The following CKLF variants were observed in gnomAD, a reference collection of about 807,000 sequenced individuals.
The protein encoded by CKLF is chemokine-like factor.
Under a neutral mutation model 12.9 loss-of-function variants are expected in CKLF, and 16 were observed. The observed-to-expected ratio is 1.24, with a 90% CI of 0.84 to 1.88. The LOEUF is 1.88. Ranked by LOEUF, CKLF falls within the 40% of genes most tolerant of loss-of-function variation. The pLI, the probability that CKLF is intolerant of heterozygous loss-of-function variation, is 0.00. For missense variants in CKLF, 172 were observed against 188.5 expected, an observed-to-expected ratio of 0.91 and a Z score of 0.51; for synonymous variants, 61 against 69.0, an observed-to-expected ratio of 0.88 and a Z score of 0.57.
chr16:66,561,977 A>G (rs1597132937), intron 2 of CKLF, among the ~76,000 whole-genome samples: 1 of 152,332 alleles, frequency 6.6e-6, no homozygotes, highest in Non-Finnish European at 1.5e-5. Context: ...AATGAGCTAT[A>G]TCATCAGCAA....
At position 66,566,051 on chromosome 16, in the gene CKLF, T is replaced by C. The variant is rs368466058; in HGVS notation, c.*40T>C. On this transcript the variant is annotated 3_prime_UTR_variant, in exon 4 of 4. Coordinates refer to ENST00000264001, the MANE Select transcript of CKLF (RefSeq NM_016951.4). The surrounding 1 kb of genome is among the most constrained non-coding windows in gnomAD (Gnocchi z 4.9). ...TTAGTTTGATACTAAGTATTAAACA[T>C]ATTTCTGTATTCTTCCACATATTTT... 1.6e-5 allele frequency: 25 copies of C among 1,608,294 alleles called. 1 individual carries two copies. In the African/African-American group the frequency reaches 3.2e-4, roughly 21 times the overall value.
In CKLF at chr16:66,566,027, T is replaced by C; in HGVS notation, c.*16T>C. The stretch of plus-strand genomic sequence containing the variant: ...AGTTTTGTAATTTTATATTACTTTT[T>C]AGTTTGATACTAAGTATTAAACATA... On this transcript the variant is annotated 3_prime_UTR_variant, in exon 4 of 4. Coordinates refer to ENST00000264001, the MANE Select transcript of CKLF (RefSeq NM_016951.4). The surrounding 1 kb of genome is among the most constrained non-coding windows in gnomAD (Gnocchi z 4.9). 7 of 1,608,524 alleles carry C rather than the reference T, an allele frequency of 4.4e-6. No homozygotes were observed. In the South Asian group the frequency reaches 4.4e-5, roughly 10 times the overall value.
intron 3 of CKLF, 52 bp from the exon 4 acceptor site, chr16:66,565,834 T>C: frequency 1.3e-6 from 2 of 1,577,552 alleles, no homozygotes; most frequent in Non-Finnish European, 1.7e-6. Context: ...CTTGTGTGAA[T>C]GACAGGAGTG....
chr16:66,561,466 G>C (rs573140166), intron 2 of CKLF, among the ~76,000 whole-genome samples: 1 of 151,988 alleles, frequency 6.6e-6, no homozygotes, highest in South Asian at 2.1e-4. Context: ...TTGGTGTTTC[G>C]GGGCAGGCAT....
intron 2 of CKLF, among the ~76,000 whole-genome samples, chr16:66,562,356 A>C (rs1050342281): frequency 6.6e-6 from 1 of 152,184 alleles, no homozygotes; most frequent in East Asian, 1.9e-4. Context: ...GCCCAGCATT[A>C]ATTGCATTTA....
At chr16:66,552,881 T>G (rs905249425) in intron 1 of CKLF, 88 bp downstream of exon 1, 3 of 1,590,270 alleles carry the variant, frequency 1.9e-6, no homozygotes, top group Admixed American at 1.7e-5. Context: ...GAACGCCTGT[T>G]TGCTTTTCAA....
At chr16:66,559,974 A>G (rs776510106) in intron 2 of CKLF, among the ~76,000 whole-genome samples, 1 of 152,196 alleles carries the variant, frequency 6.6e-6, no homozygotes, top group Non-Finnish European at 1.5e-5. Context: ...GAAACTTTAA[A>G]TGCACCCAGG....
At position 66,565,869 on chromosome 16, in the gene CKLF, CTT is replaced by C; in HGVS notation, c.334-16_334-15del. 1 of 1,613,254 alleles carries C rather than the reference CTT, an allele frequency of 6.2e-7. No individual in the cohort carries two copies. The highest frequency in any genetic ancestry group is 8.5e-7 in the Non-Finnish European group (1 of 1,179,620). ...GGGGACCATGGTTAGGGCAGTGACA[CTT>C]GTCTTTCTTTCCAGGTGTTTGCACT... On this transcript the variant is annotated splice_polypyrimidine_tract_variant and intron_variant, in intron 3 of 3. Coordinates refer to ENST00000264001, the MANE Select transcript of CKLF (RefSeq NM_016951.4).
At chr16:66,560,463 G>A (rs1597130860) in intron 2 of CKLF, among the ~76,000 whole-genome samples, 1 of 152,238 alleles carries the variant, frequency 6.6e-6, no homozygotes, top group East Asian at 1.9e-4. Context: ...GGGTGCAGGA[G>A]AGCAGTATGT....
chr16:66,562,027 TG>T (rs1421166901), intron 2 of CKLF, among the ~76,000 whole-genome samples: 1 of 152,134 alleles, frequency 6.6e-6, no homozygotes, highest in Admixed American at 6.5e-5. Context: ...GAGATGTCTG[TG>T]GGGGTTTCCT....
intron 3 of CKLF, among the ~76,000 whole-genome samples, chr16:66,564,691 C>T (rs772412408): frequency 9.2e-5 from 14 of 152,132 alleles, no homozygotes; most frequent in South Asian, 2.1e-4. Context: ...AGGATGGTCT[C>T]GATCTTCCGA....
rs139152100 is a variant in CKLF at position 66,560,784 on chromosome 16, CAGAA to C, written c.238-2334_238-2331del. ...TTCAAGAAGAATGGACACATTTAAA[CAGAA>C]AGATAAGTATACACACACACACACA... On this transcript the variant is annotated intron_variant, in intron 2 of 3. Coordinates refer to ENST00000264001, the MANE Select transcript of CKLF (RefSeq NM_016951.4). 9.6e-3 allele frequency among the ~76,000 whole-genome samples: 1,428 copies of C among 148,240 alleles called. 25 individuals are homozygous for C. Among genetic ancestry groups the C allele is most frequent in the African/African-American group, 0.035 (1,377 of 39,518 alleles).
At chr16:66,563,715 T>C (rs1234087203) in intron 3 of CKLF, among the ~76,000 whole-genome samples, 1 of 152,212 alleles carries the variant, frequency 6.6e-6, no homozygotes, top group East Asian at 1.9e-4. Context: ...CAGGGCACCT[T>C]GCAACTAAAG....
At chr16:66,565,739 C>A (rs2012212050) in intron 3 of CKLF, 147 bp from the exon 4 acceptor site, 6 of 703,952 alleles carry the variant, frequency 8.5e-6, no homozygotes, top group African/African-American at 1.8e-5. Flanking sequence ...TCTCTGAAGT[C>A]TCTCCATGTT....
At position 66,552,777 on chromosome 16, in the gene CKLF, T is replaced by C; in HGVS notation, c.62T>C (p.Val21Ala). ...TTCTGCTTCAGTGTGAAAGGCCACGTGAAGATGCTGCGGCTGGTGAGGCCG... is the reference window on the plus strand; with the variant it reads ...TTCTGCTTCAGTGTGAAAGGCCACGCGAAGATGCTGCGGCTGGTGAGGCCG... ...RPFCFSVKGH[V>A]KMLRLALTVT... is the part of the protein sequence containing the mutation. The change falls in exon 1 of 4, where the codon GTG becomes GCG. Residue 21 changes from valine to alanine, a missense_variant. Coordinates refer to ENST00000264001, the MANE Select transcript of CKLF (RefSeq NM_016951.4). The C allele has an allele frequency of 6.2e-7, 1 of 1,614,004 alleles. No individual in the cohort carries two copies. The highest frequency in any genetic ancestry group is 1.3e-5 in the African/African-American group (1 of 75,042).
intron 1 of CKLF, among the ~76,000 whole-genome samples, chr16:66,556,955 A>G (rs1421978522): frequency 6.6e-6 from 1 of 152,166 alleles, no homozygotes; most frequent in Non-Finnish European, 1.5e-5. Context: ...AAGAACATTG[A>G]CAGAACTCCC....
intron 1 of CKLF, among the ~76,000 whole-genome samples, chr16:66,557,855 T>C (rs998855236): frequency 2.0e-5 from 3 of 152,164 alleles, no homozygotes; most frequent in South Asian, 2.1e-4. Context: ...GAATAATTAA[T>C]TGGACTTAAA....
At chr16:66,556,961 C>G (rs549210101) in intron 1 of CKLF, among the ~76,000 whole-genome samples, 8 of 152,154 alleles carry the variant, frequency 5.3e-5, no homozygotes, top group Non-Finnish European at 1.0e-4. Flanking sequence ...ATTGACAGAA[C>G]TCCCCTGGGA....
intron 1 of CKLF, among the ~76,000 whole-genome samples, chr16:66,556,583 G>A (rs1039224950): frequency 6.6e-6 from 1 of 152,192 alleles, no homozygotes; most frequent in African/African-American, 2.4e-5. Flanking sequence ...GGTTACAGAG[G>A]ATAGGGACTG....
Sources: gnomAD v4.1 joint callset for allele counts (sites outside exome capture counted in the v4.1 genomes callset) on GRCh38, gnomAD v4.1.1 for gene constraint, Gnocchi (gnomAD v3.1) non-coding constraint, MANE v1.5 for transcripts, NCBI Gene and HGNC (gene_info 2026-07-23, HGNC 2026-07-21) for gene names.